The following GARS1 variants were observed in gnomAD, a reference collection of about 807,000 sequenced individuals.
The protein encoded by GARS1 is glycyl-tRNA synthetase 1, also known as glycine--tRNA ligase.
GARS1 carries 46 observed loss-of-function variants against 86.4 expected under a neutral mutation model. The observed-to-expected ratio is 0.53, with a 90% CI of 0.42 to 0.68. The LOEUF is 0.68. GARS1 is among the 30% of genes least tolerant of loss of function. The pLI, the probability that GARS1 is intolerant of heterozygous loss-of-function variation, is 0.00. For missense variants in GARS1, 797 were observed against 915.6 expected, an observed-to-expected ratio of 0.87 and a Z score of 1.67; for synonymous variants, 342 against 329.8, an observed-to-expected ratio of 1.04 and a Z score of -0.40.
chr7:30,604,636 G>T (rs1375415108), intron 6 of GARS1, among the ~76,000 whole-genome samples: 1 of 151,946 alleles, frequency 6.6e-6, no homozygotes, highest in African/African-American at 2.4e-5. Flanking sequence ...TGAATCATCT[G>T]CTGATTTATT....
At chr7:30,621,537 C>CATGTGAACATCTTGCTAATGA (rs1360320043) in intron 11 of GARS1, 37 bp downstream of exon 11, 2 of 1,408,618 alleles carry the variant, frequency 1.4e-6, no homozygotes, top group Non-Finnish European at 2.0e-6. Flanking sequence ...TCAGGATTCA[C>CATGTGAACATCTTGCTAATGA]ATGTGAACAT....
chr7:30,611,543 G>A (rs1455580498), intron 7 of GARS1, among the ~76,000 whole-genome samples: 1 of 152,176 alleles, frequency 6.6e-6, no homozygotes, highest in Non-Finnish European at 1.5e-5. Context: ...GGAGTGCAAT[G>A]GCGTGATCTC....
At chr7:30,602,279 C>T (rs531417936) in intron 4 of GARS1, among the ~76,000 whole-genome samples, 16 of 149,520 alleles carry the variant, frequency 1.1e-4, no homozygotes, top group Middle Eastern at 3.5e-3. Flanking sequence ...TTAGTAGAGA[C>T]GGGGTTTCAC....
chr7:30,620,090 T>C (rs1221354140), intron 10 of GARS1, among the ~76,000 whole-genome samples: 1 of 149,640 alleles, frequency 6.7e-6, no homozygotes, highest in African/African-American at 2.5e-5. Flanking sequence ...CTTAGTAGTT[T>C]TGATGGTTGA....
At chr7:30,601,692 AT>A in intron 4 of GARS1, among the ~76,000 whole-genome samples, 1 of 152,300 alleles carries the variant, frequency 6.6e-6, no homozygotes, top group East Asian at 1.9e-4. Flanking sequence ...ACTTGTAGAG[AT>A]TTTCAGTTAA....
chr7:30,628,787 G>A, intron 14 of GARS1, 118 bp downstream of exon 14: 1 of 654,686 alleles, frequency 1.5e-6, no homozygotes. Context: ...CTATAATCTA[G>A]TGCTATTAAC....
intron 6 of GARS1, among the ~76,000 whole-genome samples, chr7:30,605,033 C>T (rs552724766): frequency 6.6e-6 from 1 of 152,312 alleles, no homozygotes; most frequent in Non-Finnish European, 1.5e-5. Flanking sequence ...CTTGCCATAT[C>T]AGATGCATGT....
At position 30,617,289 on chromosome 7, in the gene GARS1, T is replaced by C; in HGVS notation, c.1359+11T>C. The C allele has an allele frequency of 1.9e-6, 3 of 1,613,378 alleles. No individual in the cohort carries two copies. Among genetic ancestry groups the C allele is most frequent in the Non-Finnish European group, 2.5e-6 (3 of 1,179,570 alleles). Reference sequence around the variant, plus strand: ...TCCAAAACATCCTACGTAAGTGGAGTGCTGTTTACCATGTGATTTTCACAT... The same window carrying C: ...TCCAAAACATCCTACGTAAGTGGAGCGCTGTTTACCATGTGATTTTCACAT... On this transcript the variant is annotated intron_variant, in intron 10 of 16. Transcript: ENST00000389266.
At chr7:30,611,531 C>G (rs956071988) in intron 7 of GARS1, among the ~76,000 whole-genome samples, 1 of 152,172 alleles carries the variant, frequency 6.6e-6, no homozygotes, top group Non-Finnish European at 1.5e-5. Context: ...GTTGCCCAGG[C>G]TGGAGTGCAA....
chr7:30,628,098 T>C (rs1783161981), intron 13 of GARS1, among the ~76,000 whole-genome samples: 1 of 152,202 alleles, frequency 6.6e-6, no homozygotes, highest in Non-Finnish European at 1.5e-5. Context: ...TTTTTAGGTA[T>C]GTTCTAGTTT....
chr7:30,598,773 T>C (rs1791313507), intron 1 of GARS1, 23 bp from the exon 2 acceptor site: 3 of 1,580,684 alleles, frequency 1.9e-6, no homozygotes, highest in Non-Finnish European at 2.6e-6. Context: ...CAATCCTGAA[T>C]ATAAATTCTC....
chr7:30,618,908 A>G (rs751553894), intron 10 of GARS1, among the ~76,000 whole-genome samples: 27 of 152,298 alleles, frequency 1.8e-4, no homozygotes, highest in Non-Finnish European at 3.4e-4. Flanking sequence ...ATTATGGGTG[A>G]TCATTAATTT....
At chr7:30,628,408 C>T (rs1485464361) in intron 13 of GARS1, 152 bp from the exon 14 acceptor site, 1 of 580,054 alleles carries the variant, frequency 1.7e-6, no homozygotes, top group Non-Finnish European at 3.3e-6. Context: ...TGGTCTCGAA[C>T]TCCTGACCTC....
chr7:30,619,054 G>A (rs1270751356), intron 10 of GARS1, among the ~76,000 whole-genome samples: 1 of 152,076 alleles, frequency 6.6e-6, no homozygotes, highest in East Asian at 1.9e-4. Context: ...AGTTTGCTCT[G>A]ATTCTGATTT....
intron 4 of GARS1, among the ~76,000 whole-genome samples, chr7:30,602,017 C>T (rs561285587): frequency 2.0e-5 from 3 of 151,394 alleles, no homozygotes; most frequent in South Asian, 4.2e-4. Context: ...CTCCTGACCT[C>T]GTGATCCGCC....
At chr7:30,595,892 C>T in intron 1 of GARS1, 1 of 471,150 alleles carries the variant, frequency 2.1e-6, no homozygotes, top group South Asian at 1.5e-5. Flanking sequence ...TGAAGTCAGC[C>T]ATCCTTAGTA....
chr7:30,608,932 A>G (rs1456771470), intron 6 of GARS1, among the ~76,000 whole-genome samples: 1 of 152,214 alleles, frequency 6.6e-6, no homozygotes, highest in Non-Finnish European at 1.5e-5. Context: ...GAAACTTTTA[A>G]GTTTTAAATA....
chr7:30,624,091 A>T (rs1358800170), intron 12 of GARS1, among the ~76,000 whole-genome samples: 1 of 152,080 alleles, frequency 6.6e-6, no homozygotes, highest in Non-Finnish European at 1.5e-5. Context: ...TTCAAAAAAC[A>T]TTATGAGGTT....
Position 30,601,189 on chromosome 7 carries a change from G to C in GARS1, c.558G>C (p.Glu186Asp), listed in dbSNP as rs779541328. 8 of 1,613,972 alleles carry C rather than the reference G, an allele frequency of 5.0e-6. No homozygotes were observed. In the Middle Eastern group the frequency reaches 6.6e-4, roughly 133 times the overall value. Residue 186 changes from glutamate (E) to aspartate (D), a missense_variant, in exon 4 of 17, where the codon GAG becomes GAC. This residue lies in a region of GARS1 where 598 missense variants were observed against 738.7 expected (regional missense o/e 0.81). Transcript: ENST00000389266. ...LEIDCTMLTPEPVLKTSGHVD... is the reference protein window; with the variant it reads ...LEIDCTMLTPDPVLKTSGHVD... ...TCGATTGCACCATGCTCACCCCTGA[G>C]CCAGTTTTAAAGTGAGATCTTACTT...
Sources: allele counts gnomAD v4.1 joint callset (sites outside exome capture counted in the v4.1 genomes callset), GRCh38; gene constraint gnomAD v4.1.1; regional missense constraint gnomAD v4.1.1; transcripts MANE v1.5; gene names NCBI Gene and HGNC (gene_info 2026-07-23, HGNC 2026-07-21).